SHTN1: variants seen among roughly 807,000 people sequenced by gnomAD.
SHTN1 encodes the protein shootin 1.
SHTN1 carries 42 observed loss-of-function variants against 83.1 expected under a neutral mutation model. That is an observed-to-expected ratio of 0.51 (90% CI 0.39 to 0.65). The LOEUF (loss-of-function observed/expected upper bound fraction) is 0.65. SHTN1 is among the 30% of genes least tolerant of loss of function. The probability of loss-of-function intolerance (pLI) is 0.00; values close to 1 mark genes in which losing one functional copy is unlikely to be tolerated. For missense variants in SHTN1, 622 were observed against 737.8 expected (o/e 0.84, Z 1.82); for synonymous variants, 224 against 247.7 (o/e 0.90, Z 0.90).
intron 1 of SHTN1, among the ~76,000 whole-genome samples, chr10:117,109,553 C>CTTTTTT (rs374713015): frequency 0.18 from 7,503 of 42,854 alleles, 3,553 homozygotes; most frequent in Middle Eastern, 0.23. Flanking sequence ...ACATATATTA[C>CTTTTTT]TTTTTTTTTT....
chr10:116,943,660 A>G (rs552607835), intron 8 of SHTN1, among the ~76,000 whole-genome samples: 10 of 152,330 alleles, frequency 6.6e-5, no homozygotes, highest in African/African-American at 2.2e-4. Flanking sequence ...CCTTCGGTAG[A>G]GTTCACTGCT....
intron 2 of SHTN1, among the ~76,000 whole-genome samples, chr10:117,016,468 G>A (rs556759005): frequency 5.9e-5 from 9 of 152,234 alleles, no homozygotes; most frequent in Non-Finnish European, 1.2e-4. Flanking sequence ...GTGCAGTGGT[G>A]CAATCTCGGC....
chr10:116,916,270 A>T (rs1848379706), intron 12 of SHTN1, among the ~76,000 whole-genome samples: 1 of 152,244 alleles, frequency 6.6e-6, no homozygotes, highest in Admixed American at 6.5e-5. Context: ...TATTGATCAG[A>T]AAAGTGAAAT....
intron 2 of SHTN1, among the ~76,000 whole-genome samples, chr10:117,030,954 A>C (rs1325733674): frequency 6.6e-6 from 1 of 152,220 alleles, no homozygotes; most frequent in Non-Finnish European, 1.5e-5. Flanking sequence ...CAAAGGGATA[A>C]TAATAGAGGA....
intron 1 of SHTN1, among the ~76,000 whole-genome samples, chr10:117,082,659 G>C (rs1853288682): frequency 6.6e-6 from 1 of 150,994 alleles, no homozygotes; most frequent in South Asian, 2.1e-4. Context: ...CATTATTAAT[G>C]TGTGGGAGTC....
At chr10:116,949,583 G>A (rs1224052115) in intron 6 of SHTN1, among the ~76,000 whole-genome samples, 1 of 152,162 alleles carries the variant, frequency 6.6e-6, no homozygotes, top group East Asian at 1.9e-4. Flanking sequence ...GTTAATGGGT[G>A]CAGCACACCA....
chr10:117,103,800 T>G (rs964969914), intron 1 of SHTN1, among the ~76,000 whole-genome samples: 1 of 152,136 alleles, frequency 6.6e-6, no homozygotes, highest in Non-Finnish European at 1.5e-5. Flanking sequence ...CCTCCCAAAG[T>G]GCTGGGATTA....
Position 116,885,063 on chromosome 10 carries a change from AG to A in SHTN1, c.*1280del, listed in dbSNP as rs1178965611. The A allele has an allele frequency of 6.6e-6, 1 of 152,648 alleles. No individual in the cohort carries two copies. Among genetic ancestry groups the A allele is most frequent in the Non-Finnish European group, 1.5e-5 (1 of 68,028 alleles). The allele number at this position is 152,648 out of a possible 1,614,324, so 9.5% of individuals were successfully genotyped here. ...CAGAAAGATAATTATCTCCAAATTT[AG>A]GAAGTACATGTACCTGCCTACCCAC... On this transcript the variant is annotated 3_prime_UTR_variant, in exon 17 of 17. Transcript: ENST00000355371.
chr10:116,888,926 T>G (rs937432893), intron 16 of SHTN1, among the ~76,000 whole-genome samples: 7 of 152,228 alleles, frequency 4.6e-5, no homozygotes, highest in African/African-American at 1.7e-4. Context: ...CAGCTAAGGT[T>G]CCAGGGAAAG....
chr10:117,088,318 T>A (rs1269331286), intron 1 of SHTN1, among the ~76,000 whole-genome samples: 1 of 152,236 alleles, frequency 6.6e-6, no homozygotes, highest in Non-Finnish European at 1.5e-5. Flanking sequence ...ATTTAGTACC[T>A]TTTATTCATA....
In SHTN1 at chr10:116,927,902, A is replaced by G. The variant is rs375773902; in HGVS notation, c.1013-11T>C. ...TCTGGAGTTCATCAACTGCACAGAG[A>G]GCAAACATTCAGAAGAGAGCTGAAA... On this transcript the variant is annotated splice_polypyrimidine_tract_variant and intron_variant, in intron 10 of 16. Coordinates refer to ENST00000355371, the MANE Select transcript of SHTN1 (RefSeq NM_001127211.3). The G allele has an allele frequency of 9.3e-6, 15 of 1,612,460 alleles. No homozygotes were observed. The African/African-American group carries it at 9.4e-5, about 10-fold the overall frequency.
intron 1 of SHTN1, among the ~76,000 whole-genome samples, chr10:117,091,833 C>T (rs1279599163): frequency 6.6e-6 from 1 of 152,260 alleles, no homozygotes; most frequent in East Asian, 1.9e-4. Flanking sequence ...AGCCCTCTTC[C>T]TCCCACTCTG....
intron 1 of SHTN1, among the ~76,000 whole-genome samples, chr10:117,098,659 G>T (rs988269026): frequency 6.6e-6 from 1 of 152,128 alleles, no homozygotes; most frequent in Non-Finnish European, 1.5e-5. Flanking sequence ...CATCGAACAT[G>T]ATCATGATGT....
At chr10:116,978,272 C>T (rs959853084) in intron 2 of SHTN1, among the ~76,000 whole-genome samples, 1 of 152,108 alleles carries the variant, frequency 6.6e-6, no homozygotes, top group Non-Finnish European at 1.5e-5. Context: ...ATATCCCATA[C>T]GTTTTACAAA....
At chr10:117,037,803 C>T (rs1474173657) in intron 2 of SHTN1, among the ~76,000 whole-genome samples, 2 of 151,742 alleles carry the variant, frequency 1.3e-5, no homozygotes, top group Non-Finnish European at 2.9e-5. Context: ...ATCAGGAGTT[C>T]GAGACCGTCC....
chr10:116,941,589 A>G (rs1849374958), intron 8 of SHTN1, among the ~76,000 whole-genome samples: 1 of 152,234 alleles, frequency 6.6e-6, no homozygotes, highest in African/African-American at 2.4e-5. Flanking sequence ...TAAAATTTAC[A>G]TTATAACTTA....
At chr10:117,072,072 A>C (rs1853088586) in intron 1 of SHTN1, among the ~76,000 whole-genome samples, 1 of 152,206 alleles carries the variant, frequency 6.6e-6, no homozygotes, top group Admixed American at 6.5e-5. Flanking sequence ...GGTATTTCTT[A>C]CTTTGGGCCA....
intron 1 of SHTN1, among the ~76,000 whole-genome samples, chr10:117,074,817 C>A (rs528209837): frequency 6.6e-6 from 1 of 152,248 alleles, no homozygotes; most frequent in African/African-American, 2.4e-5. Context: ...TGCTTTTGCA[C>A]TGCCCTCCCG....
intron 2 of SHTN1, among the ~76,000 whole-genome samples, chr10:117,038,502 C>A (rs963016777): frequency 1.2e-5 from 1 of 84,994 alleles, no homozygotes; most frequent in African/African-American, 2.7e-5. Flanking sequence ...ATAAACTGGA[C>A]TGCATTAAAA....
Sources: allele counts gnomAD v4.1 joint callset (sites outside exome capture counted in the v4.1 genomes callset), GRCh38; gene constraint gnomAD v4.1.1; transcripts MANE v1.5; gene names NCBI Gene and HGNC (gene_info 2026-07-23, HGNC 2026-07-21).